The following LRCH1 variants were observed in gnomAD, a reference collection of about 807,000 sequenced individuals.
LRCH1 encodes leucine-rich repeat and calponin homology domain-containing protein 1.
LRCH1 carries 23 observed loss-of-function variants against 94.9 expected under a neutral mutation model. The observed-to-expected ratio is 0.24, with a 90% CI of 0.17 to 0.34. The LOEUF is 0.34. Among genes scored for constraint, LRCH1 ranks in the 10% least tolerant of loss-of-function variants. LRCH1 has a pLI of 1.00. For synonymous variants in LRCH1, 364 were observed against 354.9 expected, an observed-to-expected ratio of 1.03 and a Z score of -0.29; for missense variants, 790 against 945.9, an observed-to-expected ratio of 0.84 and a Z score of 2.16.
intron 2 of LRCH1, among the ~76,000 whole-genome samples, chr13:46,655,132 GA>G (rs1422446044): frequency 6.6e-6 from 1 of 152,184 alleles, no homozygotes; most frequent in Non-Finnish European, 1.5e-5. Context: ...TAGTGATGGT[GA>G]TAGTGATGGT....
intron 1 of LRCH1, 68 bp from the exon 2 acceptor site, chr13:46,650,133 G>A: frequency 3.6e-6 from 4 of 1,111,088 alleles, no homozygotes; most frequent in Non-Finnish European, 5.2e-6. Context: ...AACAGTGTTT[G>A]TGGTTAATAA....
In LRCH1 at chr13:46,733,934, T is replaced by C. The variant is rs746169911; in HGVS notation, c.2021T>C (p.Met674Thr). The C allele has an allele frequency of 6.2e-7, 1 of 1,600,484 alleles. No homozygotes were observed. Among genetic ancestry groups the C allele is most frequent in the South Asian group, 1.1e-5 (1 of 87,914 alleles). ...TTGCATTTATAGCCCAAACTTAGCA[T>C]GGCCAAATGCAGAAGAAATGTGGAA... The part of the protein sequence containing the change: ...VPSPAVPKLS[M>T]AKCRRNVENF... Residue 674 changes from methionine (M) to threonine (T), a missense_variant, in exon 19 of 20, where the codon ATG becomes ACG. Coordinates refer to ENST00000389797, the MANE Select transcript of LRCH1 (RefSeq NM_001164211.2).
intron 3 of LRCH1, among the ~76,000 whole-genome samples, chr13:46,674,944 C>T (rs550068929): frequency 1.9e-4 from 29 of 152,134 alleles, no homozygotes; most frequent in African/African-American, 6.7e-4. Flanking sequence ...CTTGGAGTTC[C>T]CTGGTTTAAC....
At chr13:46,611,485 C>T (rs2050747145) in intron 1 of LRCH1, among the ~76,000 whole-genome samples, 1 of 152,102 alleles carries the variant, frequency 6.6e-6, no homozygotes, top group Non-Finnish European at 1.5e-5. Flanking sequence ...GGTAGTGTGA[C>T]AGAATAATGG....
chr13:46,690,474 CTAAT>C (rs905145888), intron 7 of LRCH1, among the ~76,000 whole-genome samples: 5 of 152,128 alleles, frequency 3.3e-5, no homozygotes, highest in Non-Finnish European at 7.4e-5. Flanking sequence ...TCTTCTAAGG[CTAAT>C]TAAACTCATT....
At chr13:46,614,957 C>T in intron 1 of LRCH1, among the ~76,000 whole-genome samples, 1 of 152,144 alleles carries the variant, frequency 6.6e-6, no homozygotes, top group South Asian at 2.1e-4. Context: ...CCACGGCCAC[C>T]CCACCTTAGA....
chr13:46,584,430 G>T (rs2050407944), intron 1 of LRCH1, among the ~76,000 whole-genome samples: 1 of 152,192 alleles, frequency 6.6e-6, no homozygotes, highest in East Asian at 1.9e-4. Flanking sequence ...AAGATTTCGG[G>T]TGATCTGTGT....
chr13:46,588,077 A>G (rs2050454527), intron 1 of LRCH1, among the ~76,000 whole-genome samples: 1 of 152,328 alleles, frequency 6.6e-6, no homozygotes, highest in Admixed American at 6.5e-5. Flanking sequence ...ATCCAGTCAT[A>G]TATCTCTGAC....
chr13:46,736,335 C>T (rs1873384793), intron 19 of LRCH1, among the ~76,000 whole-genome samples: 1 of 152,088 alleles, frequency 6.6e-6, no homozygotes, highest in Admixed American at 6.5e-5. Flanking sequence ...TGGCATTTTC[C>T]TGTATACTCA....
At chr13:46,697,061 C>T (rs1432086505) in intron 9 of LRCH1, among the ~76,000 whole-genome samples, 1 of 152,208 alleles carries the variant, frequency 6.6e-6, no homozygotes, top group East Asian at 1.9e-4. Flanking sequence ...GAGTGAGACC[C>T]TTTCTCAGAA....
chr13:46,657,135 G>A (rs1349081285), intron 2 of LRCH1, among the ~76,000 whole-genome samples: 2 of 148,648 alleles, frequency 1.3e-5, no homozygotes, highest in African/African-American at 2.5e-5. Context: ...CTGGAACTGA[G>A]GTAAATACCC....
chr13:46,660,347 T>C (rs1023577964), intron 2 of LRCH1, among the ~76,000 whole-genome samples: 40 of 151,992 alleles, frequency 2.6e-4, no homozygotes, highest in Non-Finnish European at 4.1e-4. Flanking sequence ...CTTAGATTTT[T>C]AGAATCCCAG....
At chr13:46,689,020 TA>T in intron 6 of LRCH1, 112 bp from the exon 7 acceptor site, 1 of 834,948 alleles carries the variant, frequency 1.2e-6, no homozygotes, top group Non-Finnish European at 1.9e-6. Flanking sequence ...ATGGTAATAA[TA>T]AAAATTTGCG....
rs1475504923 is a variant in LRCH1, at chr13:46,656,807, T to C, written c.452+6462T>C. Among the ~76,000 whole-genome samples the C allele has an allele frequency of 2.0e-5, 3 of 152,258 alleles. No individual in the cohort carries two copies. The East Asian group carries it at 5.8e-4, about 29-fold the overall frequency. ...ATAAATTATTGTGCCTGTAAAATTA[T>C]GTCCATTGCCATTGGTAGCTGACAG... On this transcript the variant is annotated intron_variant, in intron 2 of 19. Coordinates refer to ENST00000389797, the MANE Select transcript of LRCH1 (RefSeq NM_001164211.2).
chr13:46,652,108 G>A (rs1242023077), intron 2 of LRCH1, among the ~76,000 whole-genome samples: 1 of 118,484 alleles, frequency 8.4e-6, no homozygotes, highest in East Asian at 2.7e-4. Context: ...ACGGAGTCTT[G>A]CTCTGTCGCC....
At chr13:46,706,674 T>C (rs1371771257) in intron 13 of LRCH1, among the ~76,000 whole-genome samples, 1 of 152,102 alleles carries the variant, frequency 6.6e-6, no homozygotes, top group Non-Finnish European at 1.5e-5. Flanking sequence ...ACTTCCTCCT[T>C]AACTTCTCAA....
intron 1 of LRCH1, among the ~76,000 whole-genome samples, chr13:46,558,071 CTA>C (rs530492174): frequency 2.0e-4 from 31 of 151,860 alleles, no homozygotes; most frequent in African/African-American, 6.5e-4. Context: ...AAAACAAAGA[CTA>C]TGTGGGAAAC....
In LRCH1 at chr13:46,742,595, TTTACTGC is replaced by T; in HGVS notation, c.*751_*757del. The T allele has an allele frequency of 2.0e-6, 2 of 985,424 alleles. No homozygotes were observed. The highest frequency in any genetic ancestry group is 2.4e-6 in the Non-Finnish European group (2 of 829,950). The allele number at this position is 985,424 out of a possible 1,614,324, so 61.0% of individuals were successfully genotyped here. A position where few individuals can be genotyped will look rare whatever the true frequency, so the allele number is the denominator to read the frequency against. Reference sequence around the variant, plus strand: ...GGAGGAGTCACTTAAACACCAGTTTTTTACTGCTTAATTCCTTGTTAGGTCTTCTCTT... The same window carrying T: ...GGAGGAGTCACTTAAACACCAGTTTTTTAATTCCTTGTTAGGTCTTCTCTT... On this transcript the variant is annotated 3_prime_UTR_variant, in exon 20 of 20. Transcript: ENST00000389797.
intron 5 of LRCH1, 139 bp downstream of exon 5, chr13:46,686,180 C>A: frequency 1.2e-6 from 1 of 853,220 alleles, no homozygotes; most frequent in African/African-American, 1.8e-5. Context: ...GGAGAAAAGG[C>A]ATCAAAATTT....
Sources: allele counts gnomAD v4.1 joint callset (sites outside exome capture counted in the v4.1 genomes callset), GRCh38; gene constraint gnomAD v4.1.1; transcripts MANE v1.5; gene names NCBI Gene and HGNC (gene_info 2026-07-23, HGNC 2026-07-21).